The following COX7B2 variants were observed in gnomAD, a reference collection of about 807,000 sequenced individuals.
COX7B2 encodes the protein cytochrome c oxidase subunit 7B2.
For synonymous variants in COX7B2, 37 were observed against 32.1 expected (o/e 1.15, Z -0.51); for missense variants, 109 against 95.9 (o/e 1.14, Z -0.57).
chr4:46,896,165 T>C (rs879347715), intron 1 of COX7B2, among the ~76,000 whole-genome samples: 2 of 152,222 alleles, frequency 1.3e-5, no homozygotes, highest in African/African-American at 4.8e-5. Flanking sequence ...TACCTGAGTA[T>C]AAACTCATAT....
chr4:46,863,479 G>T (rs1165635355), intron 1 of COX7B2, among the ~76,000 whole-genome samples: 1 of 152,194 alleles, frequency 6.6e-6, no homozygotes, highest in African/African-American at 2.4e-5. Flanking sequence ...GTTTATAATT[G>T]TCTTTCTAGA....
intron 1 of COX7B2, among the ~76,000 whole-genome samples, chr4:46,864,945 T>TTTATTATGACTA (rs1432468975): frequency 1.3e-5 from 2 of 152,066 alleles, no homozygotes; most frequent in East Asian, 3.9e-4. Context: ...CACCTGGGCT[T>TTTATTATGACTA]TTATTATGAT....
intron 2 of COX7B2, among the ~76,000 whole-genome samples, chr4:46,782,524 G>T (rs1037437798): frequency 6.6e-6 from 1 of 151,338 alleles, no homozygotes; most frequent in Non-Finnish European, 1.5e-5. Context: ...GGGGGCGGGG[G>T]TCCCATAAGA....
At chr4:46,794,198 G>A (rs1331485091) in intron 2 of COX7B2, among the ~76,000 whole-genome samples, 1 of 152,136 alleles carries the variant, frequency 6.6e-6, no homozygotes, top group Non-Finnish European at 1.5e-5. Flanking sequence ...TGTTTAAATG[G>A]ATGCTAAAGC....
At chr4:46,772,285 A>T (rs1716919214) in intron 2 of COX7B2, among the ~76,000 whole-genome samples, 1 of 152,146 alleles carries the variant, frequency 6.6e-6, no homozygotes, top group African/African-American at 2.4e-5. Context: ...GTTGTCACGC[A>T]CTGGGGTGTG....
At chr4:46,827,443 G>T in intron 2 of COX7B2, among the ~76,000 whole-genome samples, 1 of 152,224 alleles carries the variant, frequency 6.6e-6, no homozygotes, top group African/African-American at 2.4e-5. Context: ...GAGGCCAGAA[G>T]ACGTCAGAAT....
intron 2 of COX7B2, among the ~76,000 whole-genome samples, chr4:46,747,280 CTATTTTATTTTATTT>C (rs113440373): frequency 2.6e-4 from 27 of 102,420 alleles, no homozygotes; most frequent in Non-Finnish European, 4.6e-4. Flanking sequence ...CATTAAGCTC[CTATTTTATTTTATTT>C]TATTTTATTT....
At chr4:46,797,210 G>T (rs1335761830) in intron 2 of COX7B2, among the ~76,000 whole-genome samples, 1 of 151,142 alleles carries the variant, frequency 6.6e-6, no homozygotes, top group Non-Finnish European at 1.5e-5. Context: ...TTTCCCAAAG[G>T]GATCTATAGC....
At chr4:46,795,468 A>G (rs1718274919) in intron 2 of COX7B2, among the ~76,000 whole-genome samples, 1 of 132,026 alleles carries the variant, frequency 7.6e-6, no homozygotes, top group African/African-American at 3.2e-5. Flanking sequence ...TCCTTTCCCC[A>G]TTGCTTGTTT....
At chr4:46,769,771 GAA>G (rs1716764329) in intron 2 of COX7B2, among the ~76,000 whole-genome samples, 1 of 151,880 alleles carries the variant, frequency 6.6e-6, no homozygotes. Context: ...CTTAAATGCA[GAA>G]AAAAATTTTG....
chr4:46,781,324 G>T (rs1217861562), intron 2 of COX7B2, among the ~76,000 whole-genome samples: 1 of 152,168 alleles, frequency 6.6e-6, no homozygotes, highest in Non-Finnish European at 1.5e-5. Context: ...AAGTCAAACA[G>T]ATTCTCTCCT....
At chr4:46,809,595 A>C (rs1719184112) in intron 2 of COX7B2, among the ~76,000 whole-genome samples, 1 of 151,878 alleles carries the variant, frequency 6.6e-6, no homozygotes, top group Non-Finnish European at 1.5e-5. Context: ...TGATTTATCT[A>C]AATACTAGTT....
intron 2 of COX7B2, among the ~76,000 whole-genome samples, chr4:46,783,583 C>T (rs375510345): frequency 1.3e-5 from 2 of 152,182 alleles, no homozygotes; most frequent in African/African-American, 4.8e-5. Context: ...ACTACATCTA[C>T]AGAGGGGATC....
In COX7B2 at chr4:46,811,024, T is replaced by C. The variant is rs150798201; in HGVS notation, c.-50+33936A>G. On this transcript the variant is annotated intron_variant, in intron 2 of 2. Transcript: ENST00000355591. ...CCTTAGAAATCTGCTGATAGTCTAA[T>C]AGAGATTCTCCTATATGTGGCTTGA... is the stretch of plus-strand genomic sequence containing the variant. Among the ~76,000 whole-genome samples the C allele has an allele frequency of 2.3e-3, 355 of 152,330 alleles. 2 individuals carry two copies. Among genetic ancestry groups the C allele is most frequent in the African/African-American group, 8.1e-3 (338 of 41,588 alleles).
rs933909533 is a variant in COX7B2, at chr4:46,735,245, G to T, written c.-49-4C>A. On this transcript the variant is annotated splice_polypyrimidine_tract_variant and splice_region_variant and intron_variant, in intron 2 of 2. Transcript: ENST00000355591. ...GGTCTATTTTGTTGCAAAGAGGCTG[G>T]AAAGAGAGAAAAGATATGCATTGAT... 1.9e-6 allele frequency: 3 copies of T among 1,597,854 alleles called. No homozygotes were observed. In the African/African-American group the frequency reaches 4.1e-5, roughly 22 times the overall value.
chr4:46,809,348 T>G (rs994397913), intron 2 of COX7B2, among the ~76,000 whole-genome samples: 3 of 151,814 alleles, frequency 2.0e-5, no homozygotes, highest in African/African-American at 4.8e-5. Flanking sequence ...TTCTAGTTCC[T>G]TGAGGCTTAA....
At chr4:46,780,585 A>T (rs936691331) in intron 2 of COX7B2, among the ~76,000 whole-genome samples, 7 of 152,234 alleles carry the variant, frequency 4.6e-5, no homozygotes, top group African/African-American at 1.2e-4. Flanking sequence ...ATAGAATGAT[A>T]AAGGTATAAG....
At chr4:46,808,116 T>G (rs148981865) in intron 2 of COX7B2, among the ~76,000 whole-genome samples, 266 of 151,986 alleles carry the variant, frequency 1.8e-3, no homozygotes, top group African/African-American at 5.9e-3. Flanking sequence ...CTTTCTGTAC[T>G]ATGAATATTT....
intron 1 of COX7B2, among the ~76,000 whole-genome samples, chr4:46,860,948 G>A (rs115750747): frequency 1.3e-4 from 20 of 152,258 alleles, no homozygotes; most frequent in African/African-American, 4.6e-4. Flanking sequence ...GGCCTATGGT[G>A]AGGGGACCCT....
Sources: allele counts gnomAD v4.1 joint callset (sites outside exome capture counted in the v4.1 genomes callset), GRCh38; gene constraint gnomAD v4.1.1; transcripts MANE v1.5; gene names NCBI Gene and HGNC (gene_info 2026-07-23, HGNC 2026-07-21).